Variants in DNAH2 observed in about 807,000 individuals in gnomAD.
DNAH2 encodes axonemal beta dynein heavy chain 2.
DNAH2 carries 323 observed loss-of-function variants against 523.5 expected under a neutral mutation model. The ratio of observed to expected loss-of-function variants is 0.62; its 90% CI spans 0.56 to 0.68. The LOEUF (loss-of-function observed/expected upper bound fraction) is 0.68, where lower values mean the gene tolerates loss of function less well. Among genes scored for constraint, DNAH2 ranks in the 30% least tolerant of loss-of-function variants. The probability of loss-of-function intolerance (pLI) is 0.00; values close to 1 mark genes in which losing one functional copy is unlikely to be tolerated. For missense variants in DNAH2, 4,907 were observed against 5,701.5 expected, an observed-to-expected ratio of 0.86 and a Z score of 4.49; for synonymous variants, 2,093 against 2,177.4, an observed-to-expected ratio of 0.96 and a Z score of 1.08.
At chr17:7,775,441 T>G in intron 30 of DNAH2, 99 bp downstream of exon 30, 1 of 1,162,030 alleles carries the variant, frequency 8.6e-7, no homozygotes, top group Non-Finnish European at 1.2e-6. Flanking sequence ...ATCCCAGCAC[T>G]TTGGGAGGCT....
rs569804634 is a variant in DNAH2 at position 7,737,914 on chromosome 17, T to C, written c.1170+656T>C. On this transcript the variant is annotated intron_variant, in intron 8 of 85. Coordinates refer to ENST00000572933, the MANE Select transcript of DNAH2 (RefSeq NM_020877.5). Reference sequence around the variant, plus strand: ...CGGGCAGGGGGATGCAGAGAAGGAGTTGGGTGTCAAGGAGGTGGGGACAGA... The same window carrying C: ...CGGGCAGGGGGATGCAGAGAAGGAGCTGGGTGTCAAGGAGGTGGGGACAGA... The C allele has an allele frequency of 4.3e-6, 3 of 694,374 alleles. No homozygotes were observed. The South Asian group carries it at 4.5e-5, about 10-fold the overall frequency. 43.0% of individuals were successfully genotyped at this position (694,374 alleles called of 1,614,324 possible).
At chr17:7,729,951 C>G (rs2074936607) in intron 4 of DNAH2, among the ~76,000 whole-genome samples, 1 of 152,128 alleles carries the variant, frequency 6.6e-6, no homozygotes, top group African/African-American at 2.4e-5. Context: ...AGTTCACATG[C>G]TTGCTGCCCA....
intron 12 of DNAH2, among the ~76,000 whole-genome samples, chr17:7,744,496 A>G (rs1232194000): frequency 1.3e-5 from 2 of 151,974 alleles, no homozygotes; most frequent in African/African-American, 4.8e-5. Flanking sequence ...GGAGAAGCAG[A>G]GCGGAGTGTC....
At chr17:7,733,475 C>CTTCTTTTTTTTTTTTTTTTTT (rs2075050707) in intron 5 of DNAH2, among the ~76,000 whole-genome samples, 160 bp downstream of exon 5, 1 of 113,862 alleles carries the variant, frequency 8.8e-6, no homozygotes, top group Non-Finnish European at 1.9e-5. Context: ...CCTTCTTCTT[C>CTTCTTTTTTTTTTTTTTTTTT]TTTTTTTTTT....
chr17:7,758,848 C>T lies in DNAH2; in HGVS notation c.2209-37C>T, dbSNP rs116193781. ...GAATGAGGTCCAGATGGTCTCTTCCCGAGCTGAAACTCCCCCATGACGGGG... is the reference window on the plus strand; with the variant it reads ...GAATGAGGTCCAGATGGTCTCTTCCTGAGCTGAAACTCCCCCATGACGGGG... On this transcript the variant is annotated intron_variant, in intron 14 of 85. Transcript: ENST00000572933. The T allele has an allele frequency of 1.2e-3, 1,865 of 1,609,372 alleles. 10 individuals are homozygous for T. The African/African-American group carries it at 0.017, about 15-fold the overall frequency.
At chr17:7,757,961 A>G (rs1338354826) in intron 13 of DNAH2, among the ~76,000 whole-genome samples, 1 of 152,168 alleles carries the variant, frequency 6.6e-6, no homozygotes, top group African/African-American at 2.4e-5. Context: ...TCCTAACACC[A>G]TCACTGTGGG....
chr17:7,741,046 T>C, intron 11 of DNAH2, 54 bp downstream of exon 11: 1 of 1,550,728 alleles, frequency 6.4e-7, no homozygotes, highest in South Asian at 1.2e-5. Context: ...CCAGGAGGGA[T>C]GGGGGATGGC....
In DNAH2 at chr17:7,768,251, C is replaced by G; in HGVS notation, c.3925C>G (p.Pro1309Ala). The change falls in exon 24 of 86, where the codon CCT becomes GCT. Residue 1309 changes from proline (P) to alanine (A), a missense_variant. This residue lies in a region of DNAH2 where 2,806 missense variants were observed against 3,190.8 expected (regional missense o/e 0.88). Transcript: ENST00000572933. ...TMPLISDLRN[P>A]ALRERHWDQV... Reference sequence around the variant, plus strand: ...GCCTCTCATCTCAGACCTGCGGAACCCTGCCCTTAGAGAGAGGTGAGGCTT... The same window carrying G: ...GCCTCTCATCTCAGACCTGCGGAACGCTGCCCTTAGAGAGAGGTGAGGCTT... 6.2e-7 allele frequency: 1 copy of G among 1,614,174 alleles called. No homozygotes were observed. The highest frequency in any genetic ancestry group is 8.5e-7 in the Non-Finnish European group (1 of 1,180,048).
chr17:7,724,813 G>A (rs2074744715), intron 3 of DNAH2, among the ~76,000 whole-genome samples: 1 of 140,634 alleles, frequency 7.1e-6, no homozygotes, highest in African/African-American at 2.6e-5. Context: ...CATGATCTTG[G>A]CTTACTGCAG....
chr17:7,728,874 A>T (rs531659836), intron 4 of DNAH2, among the ~76,000 whole-genome samples: 7 of 152,188 alleles, frequency 4.6e-5, no homozygotes, highest in African/African-American at 1.7e-4. Context: ...AGTCCCAGCT[A>T]CTTGGGAGGC....
chr17:7,781,296 G>T, intron 39 of DNAH2, 129 bp downstream of exon 39: 1 of 1,059,036 alleles, frequency 9.4e-7, no homozygotes, highest in Non-Finnish European at 1.4e-6. Context: ...GCAACATGGT[G>T]AAACCCTGTA....
At chr17:7,739,623 C>A in intron 8 of DNAH2, 110 bp from the exon 9 acceptor site, 75 of 827,992 alleles carry the variant, frequency 9.1e-5, no homozygotes, top group Non-Finnish European at 1.3e-4. Context: ...TTTTTTTTCA[C>A]TTGCCATCAC....
intron 24 of DNAH2, among the ~76,000 whole-genome samples, chr17:7,769,957 A>T (rs889539781): frequency 1.3e-5 from 2 of 152,172 alleles, no homozygotes; most frequent in African/African-American, 4.8e-5. Flanking sequence ...GAATGATATG[A>T]GATGTTTCAT....
At position 7,818,444 on chromosome 17, in the gene DNAH2, T is replaced by C. The variant is rs1165952071; in HGVS notation, c.10520T>C (p.Phe3507Ser). 3 of 1,614,088 alleles carry C rather than the reference T, an allele frequency of 1.9e-6. No homozygotes were observed. Among genetic ancestry groups the C allele is most frequent in the East Asian group, 2.2e-5 (1 of 44,886 alleles). Reference sequence around the variant, plus strand: ...TCAGCCAAGACCACCATCGTCAACTTTGCTGTTAAAGAACAGGTGGGTACA... The same window carrying C: ...TCAGCCAAGACCACCATCGTCAACTCTGCTGTTAAAGAACAGGTGGGTACA... Reference protein sequence around the residue: ...ETSAKTTIVNFAVKEQGLEAQ... With the variant: ...ETSAKTTIVNSAVKEQGLEAQ... The change falls in exon 69 of 86, where the codon TTT (phenylalanine) becomes TCT (serine). Residue 3507 changes from phenylalanine to serine, a missense_variant. Physicochemically the swap from Phe to Ser is radical, Grantham distance 155. Around this residue, in one of 3 missense-constraint regions of DNAH2, gnomAD observed 1,851 missense variants for 2,139.4 expected, o/e 0.87. Transcript: ENST00000572933.
Position 7,798,229 on chromosome 17 carries a change from G to C in DNAH2, c.8303G>C (p.Arg2768Pro). 1 of 1,613,686 alleles carries C rather than the reference G, an allele frequency of 6.2e-7. No individual in the cohort carries two copies. Among genetic ancestry groups the C allele is most frequent in the Non-Finnish European group, 8.5e-7 (1 of 1,179,670 alleles). ...MLLVGIGGSG[R>P]QSLARLASSI... ...CTGGTGGGTATCGGGGGCAGCGGAC[G>C]CCAGAGTCTGGCCCGCCTGGCTTCA... The change falls in exon 54 of 86, where the codon CGC becomes CCC. Residue 2768 changes from arginine (R) to proline (P), a missense_variant. Transcript: ENST00000572933. The surrounding 1 kb of genome is among the most constrained non-coding windows in gnomAD (Gnocchi z 5.5).
At chr17:7,811,421 A>G (rs2077514193) in intron 63 of DNAH2, among the ~76,000 whole-genome samples, 1 of 152,224 alleles carries the variant, frequency 6.6e-6, no homozygotes, top group Admixed American at 6.5e-5. Flanking sequence ...TTCTGAAGTT[A>G]AAGTCCCCAA....
chr17:7,739,631 C>A, intron 8 of DNAH2, 102 bp from the exon 9 acceptor site: 12 of 976,144 alleles, frequency 1.2e-5, no homozygotes, highest in Non-Finnish European at 1.8e-5. Flanking sequence ...CACTTGCCAT[C>A]ACTCACAGTG....
chr17:7,720,475 C>T (rs1256356522), intron 2 of DNAH2, among the ~76,000 whole-genome samples: 2 of 152,118 alleles, frequency 1.3e-5, no homozygotes, highest in Non-Finnish European at 1.5e-5. Flanking sequence ...AAGAGTTTAA[C>T]GAGGCAGCCT....
chr17:7,787,554 G>A, intron 42 of DNAH2: 1 of 284,044 alleles, frequency 3.5e-6, no homozygotes, highest in East Asian at 8.2e-5. Context: ...GGCCAACAGG[G>A]TAAAACCCCA....
Sources: gnomAD v4.1 joint callset for allele counts (sites outside exome capture counted in the v4.1 genomes callset) on GRCh38, gnomAD v4.1.1 for gene constraint, gnomAD v4.1.1 regional missense constraint, Gnocchi (gnomAD v3.1) non-coding constraint, MANE v1.5 for transcripts, NCBI Gene and HGNC (gene_info 2026-07-23, HGNC 2026-07-21) for gene names.